Variants in EBF4 observed in about 807,000 individuals in gnomAD.
The protein encoded by EBF4 is transcription factor COE4.
A neutral mutation model predicts 67.1 loss-of-function variants in EBF4; 34 were observed. The observed-to-expected ratio is 0.51, with a 90% CI of 0.39 to 0.67. The LOEUF is 0.67. EBF4 is among the 30% of genes least tolerant of loss of function. The pLI, the probability that EBF4 is intolerant of heterozygous loss-of-function variation, is 0.00. For synonymous variants in EBF4, 387 were observed against 377.7 expected (o/e 1.02, Z -0.29); for missense variants, 837 against 873.3 (o/e 0.96, Z 0.52).
rs1027151626 is a variant in EBF4, at chr20:2,751,609, G to A, written c.1019-91G>A. 3.7e-6 allele frequency: 5 copies of A among 1,342,672 alleles called. No homozygotes were observed. The South Asian group carries it at 3.8e-5, about 10-fold the overall frequency. 83.2% of individuals were successfully genotyped at this position (1,342,672 alleles called of 1,614,324 possible). On this transcript the variant is annotated intron_variant, in intron 10 of 16. Transcript: ENST00000609451. The surrounding 1 kb of genome is among the most constrained non-coding windows in gnomAD (Gnocchi z 5.2). ...GGGGCTGCAGCGAGGCTCTCGGACT[G>A]GGCGCTGGCCTGCTTTTGGCGCCCT...
chr20:2,692,804 A>AGCGGCGGCG (rs575394026), upstream of EBF4: 15 of 152,402 alleles, frequency 9.8e-5, no homozygotes, highest in African/African-American at 2.6e-4. This position sits in a 1 kb window ranked among gnomAD's most constrained non-coding sequence, Gnocchi z 6.4. Context: ...CTCCCCCGGG[A>AGCGGCGGCG]GCGGCGGCGG....
chr20:2,706,358 A>C, intron 4 of EBF4, 94 bp downstream of exon 4: 1 of 1,407,254 alleles, frequency 7.1e-7, no homozygotes, highest in Non-Finnish European at 9.8e-7. Context: ...TCCTGCCCTC[A>C]TCTCCCTATG....
chr20:2,723,347 T>A (rs1410354672), intron 6 of EBF4, among the ~76,000 whole-genome samples: 1,534 of 152,160 alleles, frequency 0.01, 25 homozygotes, highest in African/African-American at 0.035. Flanking sequence ...TATTTATTTT[T>A]ATTTTTTTTT....
At chr20:2,702,407 G>A (rs2146374725) in intron 1 of EBF4, among the ~76,000 whole-genome samples, 1 of 150,464 alleles carries the variant, frequency 6.6e-6, no homozygotes, top group South Asian at 2.1e-4. Flanking sequence ...CAGCCTGGGT[G>A]ACAGAGCAAG....
intron 6 of EBF4, among the ~76,000 whole-genome samples, chr20:2,729,994 C>G (rs2087792598): frequency 6.6e-6 from 1 of 152,190 alleles, no homozygotes; most frequent in Non-Finnish European, 1.5e-5. Flanking sequence ...CAGTCTTTGG[C>G]AGCTCTTTGA....
chr20:2,741,613 G>T (rs76558413), intron 6 of EBF4, among the ~76,000 whole-genome samples: 1 of 152,162 alleles, frequency 6.6e-6, no homozygotes, highest in African/African-American at 2.4e-5. Flanking sequence ...AATAAAAAGC[G>T]TTTATAGACA....
intron 1 of EBF4, among the ~76,000 whole-genome samples, chr20:2,702,843 C>T (rs1338452276): frequency 6.6e-6 from 1 of 152,206 alleles, no homozygotes; most frequent in African/African-American, 2.4e-5. Context: ...AGCAGCCTCT[C>T]TCTTGTCCCC....
chr20:2,750,040 C>T, intron 10 of EBF4, 67 bp downstream of exon 10: 1 of 1,485,260 alleles, frequency 6.7e-7, no homozygotes, highest in Non-Finnish European at 9.0e-7. Flanking sequence ...GCGCACTGGT[C>T]TCCGTTCTTG....
Position 2,744,487 on chromosome 20 carries a change from C to CTTTTT in EBF4, c.558-4058_558-4057insTTTTT, listed in dbSNP as rs778840182. ...TTTTTCTTTTCTTTTTTCTTTTTTTCTTTTCTTTTTTTTTTTTTTTTTGAG... is the reference window on the plus strand; with the variant it reads ...TTTTTCTTTTCTTTTTTCTTTTTTTCTTTTTTTTTCTTTTTTTTTTTTTTTTTGAG... On this transcript the variant is annotated intron_variant, in intron 6 of 16. Coordinates refer to ENST00000609451, the Ensembl canonical transcript of EBF4. 1.1e-3 allele frequency among the ~76,000 whole-genome samples: 124 copies of CTTTTT among 111,444 alleles called. 12 individuals carry two copies. Among genetic ancestry groups the CTTTTT allele is most frequent in the African/African-American group, 1.8e-3 (45 of 25,456 alleles). The allele number at this position is 111,444 out of a possible 152,430, so 73.1% of individuals were successfully genotyped here.
chr20:2,698,262 C>A (rs963523223), intron 1 of EBF4, among the ~76,000 whole-genome samples: 1 of 152,228 alleles, frequency 6.6e-6, no homozygotes, highest in South Asian at 2.1e-4. Context: ...TAGGGACCCT[C>A]CCCAGACCCA....
chr20:2,695,686 C>T (rs2087278679), intron 1 of EBF4, among the ~76,000 whole-genome samples: 1 of 152,208 alleles, frequency 6.6e-6, no homozygotes, highest in South Asian at 2.1e-4. Flanking sequence ...GTCATCACTA[C>T]AGTTGTATCT....
At chr20:2,716,276 C>CA (rs1776599574) in intron 6 of EBF4, among the ~76,000 whole-genome samples, 1 of 150,172 alleles carries the variant, frequency 6.7e-6, no homozygotes, top group Non-Finnish European at 1.5e-5. Flanking sequence ...CCTGTAATCC[C>CA]AGCACTTTGG....
chr20:2,705,190 C>T (rs1044091370), intron 1 of EBF4, among the ~76,000 whole-genome samples: 2 of 152,216 alleles, frequency 1.3e-5, no homozygotes, highest in Non-Finnish European at 2.9e-5. Flanking sequence ...CCGGGGTCTC[C>T]TTGAAGCCCT....
intron 6 of EBF4, among the ~76,000 whole-genome samples, chr20:2,730,496 C>T (rs1193132560): frequency 6.6e-6 from 1 of 152,192 alleles, no homozygotes; most frequent in Admixed American, 6.5e-5. Flanking sequence ...AAGTCAGTTT[C>T]ACAGGTTCTG....
Position 2,755,622 on chromosome 20 carries a change from C to CCCG in EBF4, c.1541-5_1541-4insCCG. 6 of 1,439,282 alleles carry CCCG rather than the reference C, an allele frequency of 4.2e-6. No homozygotes were observed. Among genetic ancestry groups the CCCG allele is most frequent in the Non-Finnish European group, 2.9e-6 (3 of 1,050,330 alleles). The allele number at this position is 1,439,282 out of a possible 1,614,324, so 89.2% of individuals were successfully genotyped here. On this transcript the variant is annotated splice_polypyrimidine_tract_variant and splice_region_variant and intron_variant, in intron 14 of 16. Coordinates refer to ENST00000609451, the Ensembl canonical transcript of EBF4. The surrounding 1 kb of genome is among the most constrained non-coding windows in gnomAD (Gnocchi z 4.7). ...GCGCCTGCCCCTCCCCGCCCCGCCC[C>CCCG]GGAGTCATGCCCTCTAGCCCCCCGC...
intron 6 of EBF4, among the ~76,000 whole-genome samples, chr20:2,737,412 G>T (rs1438174987): frequency 6.6e-6 from 1 of 152,090 alleles, no homozygotes; most frequent in Non-Finnish European, 1.5e-5. Flanking sequence ...GTTATTGAGG[G>T]CTGGGGACTC....
intron 1 of EBF4, among the ~76,000 whole-genome samples, chr20:2,701,473 G>A (rs966943247): frequency 3.3e-5 from 5 of 152,194 alleles, no homozygotes; most frequent in African/African-American, 1.2e-4. Context: ...GACTTCCCAG[G>A]TCTGGTCCTC....
rs978454130 is a variant in EBF4 at position 2,752,241 on chromosome 20, C to G, written c.1329C>G (p.Asp443Glu). 5.3e-6 allele frequency: 7 copies of G among 1,314,492 alleles called. No homozygotes were observed. In the Admixed American group the frequency reaches 2.4e-4, roughly 45 times the overall value. The allele number at this position is 1,314,492 out of a possible 1,614,324, so 81.4% of individuals were successfully genotyped here. ...GCCCGCTGGCCATCGCCGTCGGGGA[C>G]GCCACCCCGGGGCCCGAGCCGGGTG... Residue 443 changes from aspartate (D) to glutamate (E), a missense_variant, in exon 13 of 17, where the codon GAC (aspartate) becomes GAG (glutamate). By Grantham distance (45) the Asp-to-Glu change is conservative. Transcript: ENST00000609451.
chr20:2,709,526 C>A (rs78427843), intron 5 of EBF4, 48 bp from the exon 6 acceptor site: 143,053 of 1,516,192 alleles, frequency 0.094, 7,693 homozygotes, highest in Admixed American at 0.16. Context: ...GTCGTGGCCC[C>A]CTCCTTCCTT....
Sources: gnomAD v4.1 joint callset for allele counts (sites outside exome capture counted in the v4.1 genomes callset) on GRCh38, gnomAD v4.1.1 for gene constraint, Gnocchi (gnomAD v3.1) non-coding constraint, MANE v1.5 for transcripts, NCBI Gene and HGNC (gene_info 2026-07-23, HGNC 2026-07-21) for gene names.